The following ABAT variants were observed in gnomAD, a reference collection of about 807,000 sequenced individuals.
ABAT encodes 4-aminobutyrate aminotransferase.
Under a neutral mutation model 64.6 loss-of-function variants are expected in ABAT, and 45 were observed. The observed-to-expected ratio is 0.70, with a 90% CI of 0.55 to 0.89. The LOEUF is 0.89. ABAT is among the 40% of genes least tolerant of loss of function. The probability of loss-of-function intolerance (pLI) is 0.00; values close to 1 mark genes in which losing one functional copy is unlikely to be tolerated. For missense variants in ABAT, 633 were observed against 658.4 expected (o/e 0.96, Z 0.42); for synonymous variants, 297 against 250.5 (o/e 1.19, Z -1.75).
chr16:8,774,432 C>T (rs1339124143), intron 12 of ABAT, among the ~76,000 whole-genome samples: 17 of 151,918 alleles, frequency 1.1e-4, no homozygotes, highest in Admixed American at 1.1e-3. Context: ...CCGATAAGTT[C>T]ACAGATAAAA....
In ABAT at chr16:8,688,225, G is replaced by A. The variant is rs572056249; in HGVS notation, c.-42+13514G>A. The stretch of plus-strand genomic sequence containing the variant: ...ATGCTTCCTACCTACAAGACACTGG[G>A]TAACACTGGGTACTACTTGGACTAT... On this transcript the variant is annotated intron_variant, in intron 1 of 15. Coordinates refer to ENST00000268251, the MANE Select transcript of ABAT (RefSeq NM_020686.6). 2.8e-3 allele frequency among the ~76,000 whole-genome samples: 422 copies of A among 152,212 alleles called. 1 individual carries two copies. Among genetic ancestry groups the A allele is most frequent in the African/African-American group, 9.7e-3 (401 of 41,534 alleles).
Position 8,738,009 on chromosome 16 carries a change from A to G in ABAT, c.70+2200A>G, listed in dbSNP as rs867561411. 3.9e-5 allele frequency among the ~76,000 whole-genome samples: 4 copies of G among 101,466 alleles called. 1 individual carries two copies. The highest frequency in any genetic ancestry group is 9.5e-5 in the Admixed American group (1 of 10,512). 66.6% of individuals were successfully genotyped at this position (101,466 alleles called of 152,430 possible). On this transcript the variant is annotated intron_variant, in intron 2 of 15. Transcript: ENST00000268251. Reference sequence around the variant, plus strand: ...GGAAGGAGGAAAGAAAGAAAGAAAGAAAGAAAGGAAAGAAAGAAAGAAGGA... The same window carrying G: ...GGAAGGAGGAAAGAAAGAAAGAAAGGAAGAAAGGAAAGAAAGAAAGAAGGA...
Position 8,764,856 on chromosome 16 carries a change from C to A in ABAT, c.540+26C>A, listed in dbSNP as rs2059898175. 2 of 1,586,286 alleles carry A rather than the reference C, an allele frequency of 1.3e-6. No homozygotes were observed. The highest frequency in any genetic ancestry group is 1.7e-6 in the Non-Finnish European group (2 of 1,155,094). On this transcript the variant is annotated intron_variant, in intron 8 of 15. Coordinates refer to ENST00000268251, the MANE Select transcript of ABAT (RefSeq NM_020686.6). This position sits in a 1 kb window ranked among gnomAD's most constrained non-coding sequence, Gnocchi z 4.2. ...GTGAGGTTTGGGGCACACACACACACACACACACAGGCTCCCCAGCACCCA... is the reference window on the plus strand; with the variant it reads ...GTGAGGTTTGGGGCACACACACACAAACACACACAGGCTCCCCAGCACCCA...
Position 8,733,455 on chromosome 16 carries a change from C to T in ABAT, c.-41-2244C>T, listed in dbSNP as rs868035241. ...GGCGGCCGGGCAGAGGCTGCAATCTCGGCACTTTGGGAGGCCAAGGCAGGC... is the reference window on the plus strand; with the variant it reads ...GGCGGCCGGGCAGAGGCTGCAATCTTGGCACTTTGGGAGGCCAAGGCAGGC... On this transcript the variant is annotated intron_variant, in intron 1 of 15. Coordinates refer to ENST00000268251, the MANE Select transcript of ABAT (RefSeq NM_020686.6). Among the ~76,000 whole-genome samples the T allele has an allele frequency of 3.3e-5, 5 of 151,966 alleles. No individual in the cohort carries two copies. The Middle Eastern group carries it at 0.01, about 310-fold the overall frequency.
At chr16:8,730,371 G>A (rs1021331675) in intron 1 of ABAT, among the ~76,000 whole-genome samples, 21 of 152,168 alleles carry the variant, frequency 1.4e-4, no homozygotes, top group African/African-American at 5.1e-4. Flanking sequence ...TAGCTCTGTG[G>A]GCAGCCACAG....
intron 6 of ABAT, 96 bp from the exon 7 acceptor site, chr16:8,763,973 G>A (rs2059868927): frequency 9.9e-7 from 1 of 1,011,268 alleles, no homozygotes; most frequent in African/African-American, 1.6e-5. Flanking sequence ...CCATTTGGAG[G>A]CTATTTGAAC....
At chr16:8,740,437 T>G (rs2059131567) in intron 2 of ABAT, among the ~76,000 whole-genome samples, 1 of 152,000 alleles carries the variant, frequency 6.6e-6, no homozygotes, top group Non-Finnish European at 1.5e-5. Context: ...ACTTACGGGG[T>G]TGTGGCTGGA....
At chr16:8,750,048 G>C (rs770929053) in intron 4 of ABAT, among the ~76,000 whole-genome samples, 1 of 152,190 alleles carries the variant, frequency 6.6e-6, no homozygotes, top group East Asian at 1.9e-4. Context: ...CATTAAGTGA[G>C]TACTTTGCAG....
intron 6 of ABAT, among the ~76,000 whole-genome samples, chr16:8,763,849 A>T (rs11640989): frequency 0.61 from 93,478 of 152,128 alleles, 33,066 homozygotes; most frequent in East Asian, 0.82. Context: ...GCAATATGGC[A>T]ACCAGGACAC....
In ABAT at chr16:8,765,013, G is replaced by A. The variant is rs184504053; in HGVS notation, c.540+183G>A. Among the ~76,000 whole-genome samples, 6 of 152,248 alleles carry A rather than the reference G, an allele frequency of 3.9e-5. No individual in the cohort carries two copies. The East Asian group carries it at 1.2e-3, about 29-fold the overall frequency. The stretch of plus-strand genomic sequence containing the variant: ...AGACGGCACAGTGGGGTATGGTGCA[G>A]AGGGCTGAGGCTTTGGCATCAAAAC... On this transcript the variant is annotated intron_variant, in intron 8 of 15. Transcript: ENST00000268251.
intron 1 of ABAT, among the ~76,000 whole-genome samples, chr16:8,688,721 G>A (rs56207734): frequency 0.32 from 48,807 of 151,726 alleles, 8,233 homozygotes; most frequent in East Asian, 0.62. Context: ...CTGAAGTGCC[G>A]GGATTACAGG....
At chr16:8,756,458 G>T (rs895254533) in intron 5 of ABAT, among the ~76,000 whole-genome samples, 9 of 151,792 alleles carry the variant, frequency 5.9e-5, no homozygotes, top group African/African-American at 1.9e-4. Context: ...CTGCCGGTTT[G>T]TTACATAGGT....
intron 1 of ABAT, among the ~76,000 whole-genome samples, chr16:8,705,287 A>G (rs1464400752): frequency 1.3e-5 from 2 of 152,038 alleles, no homozygotes; most frequent in African/African-American, 4.8e-5. Flanking sequence ...CACACAGGGA[A>G]AACTGCCACT....
intron 1 of ABAT, among the ~76,000 whole-genome samples, chr16:8,703,661 T>C (rs1422890202): frequency 6.6e-6 from 1 of 152,178 alleles, no homozygotes; most frequent in African/African-American, 2.4e-5. Flanking sequence ...TGGGTCTGTG[T>C]CCGTTCTCTA....
At chr16:8,734,868 AAG>A (rs2142379371) in intron 1 of ABAT, among the ~76,000 whole-genome samples, 1 of 152,224 alleles carries the variant, frequency 6.6e-6, no homozygotes, top group East Asian at 1.9e-4. Context: ...GAGATGATAA[AAG>A]GAAACAAACT....
intron 1 of ABAT, among the ~76,000 whole-genome samples, chr16:8,710,727 A>AGAGAGAGAGGGGGAGAGGGAGG (rs146344975): frequency 9.6e-6 from 1 of 103,758 alleles, no homozygotes; most frequent in Non-Finnish European, 2.1e-5. Flanking sequence ...AGAGAGAGAG[A>AGAGAGAGAGGGGGAGAGGGAGG]GAGGAAATAG....
At chr16:8,778,746 C>T (rs1190460016) in intron 14 of ABAT, among the ~76,000 whole-genome samples, 7 of 149,672 alleles carry the variant, frequency 4.7e-5, no homozygotes, top group Non-Finnish European at 7.4e-5. Context: ...CACTGCACTC[C>T]AGCCAGGGCA....
chr16:8,682,410 C>A (rs1004354713), intron 1 of ABAT, among the ~76,000 whole-genome samples: 9 of 152,154 alleles, frequency 5.9e-5, no homozygotes, highest in Admixed American at 3.9e-4. Flanking sequence ...CGCTATTCTT[C>A]CAACCAGAGT....
chr16:8,757,747 C>T lies in ABAT; in HGVS notation c.317-10C>T. ...CAATGAGGTCTCTAACAATACTCTC[C>T]TGCCCTCAGGTTACAGCCACCCCGC... On this transcript the variant is annotated splice_polypyrimidine_tract_variant and intron_variant, in intron 5 of 15. Coordinates refer to ENST00000268251, the MANE Select transcript of ABAT (RefSeq NM_020686.6). 1 of 1,613,942 alleles carries T rather than the reference C, an allele frequency of 6.2e-7. No individual in the cohort carries two copies. The highest frequency in any genetic ancestry group is 1.1e-5 in the South Asian group (1 of 91,070).
Sources: allele counts gnomAD v4.1 joint callset (sites outside exome capture counted in the v4.1 genomes callset), GRCh38; gene constraint gnomAD v4.1.1; non-coding constraint Gnocchi (gnomAD v3.1); transcripts MANE v1.5; gene names NCBI Gene and HGNC (gene_info 2026-07-23, HGNC 2026-07-21).